The following SIDT1 variants were observed in gnomAD, a reference collection of about 807,000 sequenced individuals.
SIDT1 encodes the protein SID1 transmembrane family member 1, also known as SID1 transmembrane family, member 1.
A neutral mutation model predicts 107.5 loss-of-function variants in SIDT1; 101 were observed. The observed-to-expected ratio is 0.94, with a 90% CI of 0.80 to 1.11. SIDT1 has a LOEUF of 1.11. Among genes scored for constraint, SIDT1 ranks in the 50% least tolerant of loss-of-function variants. The pLI is 0.00. For synonymous variants in SIDT1, 395 were observed against 398.2 expected (o/e 0.99, Z 0.10); for missense variants, 1,076 against 1,058.2 (o/e 1.02, Z -0.23).
rs551975067 is a variant in SIDT1 at position 113,559,444 on chromosome 3, T to A, written c.223-6976T>A. Among the ~76,000 whole-genome samples, 974 of 151,848 alleles carry A rather than the reference T, an allele frequency of 6.4e-3. 8 individuals are homozygous for A. The highest frequency in any genetic ancestry group is 0.021 in the African/African-American group (873 of 41,508). On this transcript the variant is annotated intron_variant, in intron 1 of 24. Coordinates refer to ENST00000264852, the MANE Select transcript of SIDT1 (RefSeq NM_017699.3). ...GTCATTCTTTTTATTTATTTTTTTT[T>A]TTTTTTATTTTTTGAGACAGGGTTT...
chr3:113,593,028 G>A lies in SIDT1; in HGVS notation c.1025G>A (p.Gly342Glu). Residue 342 changes from glycine to glutamate, a missense_variant, in exon 10 of 25, where the codon GGA (glycine) becomes GAA (glutamate). Transcript: ENST00000264852. ...AGGTTTCAGAGAAAATCCATTGATG[G>A]AAGCTTTGGGTCCAATGATGGTAAG... is the stretch of plus-strand genomic sequence containing the variant. ...YLRFQRKSIDGSFGSNDGSGN... is the reference protein window; with the variant it reads ...YLRFQRKSIDESFGSNDGSGN... The A allele has an allele frequency of 6.2e-7, 1 of 1,613,760 alleles. No individual in the cohort carries two copies.
chr3:113,540,855 A>G (rs897076625), intron 1 of SIDT1, among the ~76,000 whole-genome samples: 7 of 151,828 alleles, frequency 4.6e-5, no homozygotes, highest in Non-Finnish European at 8.8e-5. Context: ...ATTTTTGTCT[A>G]TTGTCTATTC....
Position 113,623,867 on chromosome 3 carries a change from T to C in SIDT1, c.2307+134T>C, listed in dbSNP as rs1021863139. The C allele has an allele frequency of 2.2e-5, 14 of 643,056 alleles. No homozygotes were observed. In the South Asian group the frequency reaches 2.2e-4, roughly 10 times the overall value. 39.8% of individuals were successfully genotyped at this position (643,056 alleles called of 1,614,324 possible). A position where few individuals can be genotyped will look rare whatever the true frequency, so the allele number is the denominator to read the frequency against. On this transcript the variant is annotated intron_variant, in intron 23 of 24. Coordinates refer to ENST00000264852, the MANE Select transcript of SIDT1 (RefSeq NM_017699.3). The stretch of plus-strand genomic sequence containing the variant: ...TTTCTCTACCAGGGATGGTTTTTAA[T>C]AGCCGCACACAAATGCACAATAACT...
downstream of SIDT1, among the ~76,000 whole-genome samples, chr3:113,631,879 C>G (rs1400961986): frequency 6.6e-6 from 1 of 152,206 alleles, no homozygotes; most frequent in South Asian, 2.1e-4. Flanking sequence ...TTTGCTCCCC[C>G]AATTTTAGAG....
intron 3 of SIDT1, among the ~76,000 whole-genome samples, chr3:113,572,950 A>C (rs1942585256): frequency 6.6e-6 from 1 of 151,742 alleles, no homozygotes; most frequent in South Asian, 2.1e-4. Flanking sequence ...ATACTATATA[A>C]TTACCTTTGG....
intron 21 of SIDT1, 145 bp from the exon 22 acceptor site, chr3:113,623,281 TA>T (rs1030807065): frequency 5.0e-4 from 221 of 441,198 alleles, no homozygotes; most frequent in Middle Eastern, 1.8e-3. Flanking sequence ...GGTAAGAGTT[TA>T]AAAAAAAATA....
At chr3:113,584,249 A>G (rs945356694) in intron 7 of SIDT1, among the ~76,000 whole-genome samples, 27 of 152,216 alleles carry the variant, frequency 1.8e-4, no homozygotes, top group Admixed American at 1.3e-4. Flanking sequence ...AATTTTGCCA[A>G]TGTCAAATAT....
intron 9 of SIDT1, among the ~76,000 whole-genome samples, chr3:113,591,554 C>T (rs1365121936): frequency 1.3e-5 from 2 of 151,694 alleles, no homozygotes; most frequent in East Asian, 3.9e-4. Flanking sequence ...TTGCAGTCAT[C>T]AAGACTCTGG....
intron 10 of SIDT1, among the ~76,000 whole-genome samples, chr3:113,596,971 G>A (rs910954104): frequency 6.6e-6 from 1 of 152,218 alleles, no homozygotes; most frequent in African/African-American, 2.4e-5. Context: ...ATAAGACAAG[G>A]AGAGTGTTGA....
At chr3:113,615,671 G>C (rs949136475) in intron 19 of SIDT1, among the ~76,000 whole-genome samples, 1 of 152,194 alleles carries the variant, frequency 6.6e-6, no homozygotes, top group African/African-American at 2.4e-5. Context: ...AGAAATAACA[G>C]ATCTGAATCT....
intron 1 of SIDT1, among the ~76,000 whole-genome samples, chr3:113,538,126 C>G (rs937060066): frequency 2.6e-5 from 4 of 152,172 alleles, no homozygotes; most frequent in African/African-American, 9.7e-5. Context: ...CATGAACACT[C>G]CTGTGACCCA....
chr3:113,593,170 G>A (rs573189795), intron 10 of SIDT1, 122 bp downstream of exon 10: 251 of 852,286 alleles, frequency 2.9e-4, no homozygotes, highest in Non-Finnish European at 3.8e-4. Flanking sequence ...TTCCTATCCC[G>A]CAGAGTAGTC....
intron 10 of SIDT1, among the ~76,000 whole-genome samples, chr3:113,597,422 G>A (rs13058808): frequency 0.076 from 11,384 of 149,874 alleles, 629 homozygotes; most frequent in Middle Eastern, 0.22. Flanking sequence ...ACTTGAACCC[G>A]GGAGGCAGAG....
chr3:113,544,489 C>T (rs1939346286), intron 1 of SIDT1, among the ~76,000 whole-genome samples: 1 of 151,804 alleles, frequency 6.6e-6, no homozygotes, highest in African/African-American at 2.4e-5. Context: ...CACGCAAGGA[C>T]AGTTATCATG....
rs763550273 is a variant in SIDT1 at position 113,603,155 on chromosome 3, C to T, written c.1263+5C>T. ...AAAAACATCATCCGGACCAAGGTAC[C>T]CACTCTGCCTCGCCGTACTCTTTGA... On this transcript the variant is annotated splice_donor_5th_base_variant and intron_variant, in intron 12 of 24. Coordinates refer to ENST00000264852, the MANE Select transcript of SIDT1 (RefSeq NM_017699.3). The T allele has an allele frequency of 5.2e-5, 84 of 1,612,700 alleles. No individual in the cohort carries two copies. Among genetic ancestry groups the T allele is most frequent in the Admixed American group, 4.2e-4 (25 of 59,844 alleles).
At chr3:113,609,058 C>CTTTTTTTTTTTTTTTTTTTTTTTT in intron 17 of SIDT1, among the ~76,000 whole-genome samples, 1 of 86,680 alleles carries the variant, frequency 1.2e-5, no homozygotes, top group Non-Finnish European at 2.1e-5. Flanking sequence ...TGAGCCCATT[C>CTTTTTTTTTTTTTTTTTTTTTTTT]TTTTTTTTTT....
chr3:113,582,876 T>C (rs572310093), intron 6 of SIDT1, among the ~76,000 whole-genome samples: 1 of 152,274 alleles, frequency 6.6e-6, no homozygotes, highest in South Asian at 2.1e-4. Flanking sequence ...GTTATAGAAC[T>C]CTAACGGACC....
chr3:113,619,835 G>A lies in SIDT1; in HGVS notation c.2090+109G>A, dbSNP rs569050805. 36 of 1,001,136 alleles carry A rather than the reference G, an allele frequency of 3.6e-5. No individual in the cohort carries two copies. The East Asian group carries it at 8.7e-4, about 24-fold the overall frequency. 62.0% of individuals were successfully genotyped at this position (1,001,136 alleles called of 1,614,324 possible). The stretch of plus-strand genomic sequence containing the variant: ...CAAAGAAATCTGAAATTAAGGAGAA[G>A]GTAGGACTGCTTGTTCTAGAGACTC... On this transcript the variant is annotated intron_variant, in intron 21 of 24. Transcript: ENST00000264852.
At chr3:113,582,290 C>G (rs1943416660) in intron 6 of SIDT1, among the ~76,000 whole-genome samples, 1 of 152,122 alleles carries the variant, frequency 6.6e-6, no homozygotes, top group African/African-American at 2.4e-5. Context: ...GAGGTACTTA[C>G]TTAAAGTACC....
Sources: gnomAD v4.1 joint callset for allele counts (sites outside exome capture counted in the v4.1 genomes callset) on GRCh38, gnomAD v4.1.1 for gene constraint, MANE v1.5 for transcripts, NCBI Gene and HGNC (gene_info 2026-07-23, HGNC 2026-07-21) for gene names.